Variants in PIEZO2 observed in about 807,000 individuals in gnomAD.
The protein encoded by PIEZO2 is piezo-type mechanosensitive ion channel component 2.
In PIEZO2, 172 loss-of-function variants were observed where a neutral mutation model predicts 337.3. The observed-to-expected ratio is 0.51, with a 90% CI of 0.45 to 0.58. PIEZO2 has a LOEUF of 0.58. Among genes scored for constraint, PIEZO2 ranks in the 20% least tolerant of loss-of-function variants. The pLI is 0.00. For synonymous variants in PIEZO2, 1,251 were observed against 1,228.5 expected (o/e 1.02, Z -0.38); for missense variants, 3,028 against 3,391.3 (o/e 0.89, Z 2.66).
Position 10,726,643 on chromosome 18 carries a change from G to A in PIEZO2, c.5029+4764C>T. ...CGTGCGCTGGGAGTACTGCGCGCGC[G>A]CCAAGCGCGGCCAGACAGACACCTC... On this transcript the variant is annotated intron_variant, in intron 36 of 55. Transcript: ENST00000674853. This position sits in a 1 kb window ranked among gnomAD's most constrained non-coding sequence, Gnocchi z 5.9. 2 of 1,400,248 alleles carry A rather than the reference G, an allele frequency of 1.4e-6. No homozygotes were observed. The highest frequency in any genetic ancestry group is 1.9e-6 in the Non-Finnish European group (2 of 1,035,362). 86.7% of individuals were successfully genotyped at this position (1,400,248 alleles called of 1,614,324 possible). A position where few individuals can be genotyped will look rare whatever the true frequency, so the allele number is the denominator to read the frequency against.
chr18:11,029,792 A>G lies in PIEZO2; in HGVS notation c.160+36335T>C, dbSNP rs576339160. Among the ~76,000 whole-genome samples, 73 of 152,090 alleles carry G rather than the reference A, an allele frequency of 4.8e-4. 1 individual carries two copies. In the South Asian group the frequency reaches 0.015, roughly 31 times the overall value. On this transcript the variant is annotated intron_variant, in intron 2 of 55. Transcript: ENST00000674853. ...TGTGGCTGCTCTTCCCTTTTCAGAC[A>G]GGTCTTGTTGACCCCCTAGAAGGTG...
chr18:11,060,979 C>T (rs1012300014), intron 2 of PIEZO2, among the ~76,000 whole-genome samples: 10 of 152,200 alleles, frequency 6.6e-5, no homozygotes, highest in Admixed American at 5.9e-4. Flanking sequence ...ACCAATATCC[C>T]TGATGAATAT....
chr18:11,046,645 T>C (rs546581012), intron 2 of PIEZO2, among the ~76,000 whole-genome samples: 6 of 152,386 alleles, frequency 3.9e-5, no homozygotes, highest in African/African-American at 1.4e-4. Context: ...AGCCACTTTC[T>C]GGGCTCCCTC....
intron 3 of PIEZO2, among the ~76,000 whole-genome samples, chr18:10,955,387 T>C (rs561954261): frequency 6.6e-6 from 1 of 152,272 alleles, no homozygotes; most frequent in South Asian, 2.1e-4. Flanking sequence ...GGTCTAGATG[T>C]TTTCTTTCTT....
chr18:10,693,932 ACT>A (rs1416236590), intron 47 of PIEZO2, among the ~76,000 whole-genome samples: 1 of 152,002 alleles, frequency 6.6e-6, no homozygotes, highest in African/African-American at 2.4e-5. Context: ...TATTCACAAC[ACT>A]CTCATGAAAA....
chr18:10,917,704 G>A (rs1055729935), intron 3 of PIEZO2, among the ~76,000 whole-genome samples: 17 of 152,274 alleles, frequency 1.1e-4, no homozygotes, highest in African/African-American at 4.1e-4. Context: ...ATAATCAGCA[G>A]AAAAGGATTA....
chr18:11,060,238 T>G (rs1352294123), intron 2 of PIEZO2, among the ~76,000 whole-genome samples: 2 of 151,952 alleles, frequency 1.3e-5, no homozygotes, highest in Admixed American at 6.6e-5. Context: ...TACCAGAATC[T>G]CTGGGACACA....
At chr18:10,706,184 C>T (rs1050106719) in intron 40 of PIEZO2, among the ~76,000 whole-genome samples, 1 of 152,146 alleles carries the variant, frequency 6.6e-6, no homozygotes, top group Admixed American at 6.5e-5. Flanking sequence ...AATAGGTATT[C>T]TACCCTCCAT....
chr18:10,967,160 G>A (rs919619952), intron 3 of PIEZO2, among the ~76,000 whole-genome samples: 2 of 151,802 alleles, frequency 1.3e-5, no homozygotes, highest in African/African-American at 2.4e-5. Context: ...TGGGATTACA[G>A]GCGCATGCCA....
In PIEZO2 at chr18:10,759,542, T is replaced by A; in HGVS notation, c.3697A>T (p.Ile1233Phe). Residue 1233 changes from isoleucine to phenylalanine, a missense_variant, in exon 26 of 56, where the codon ATC (isoleucine) becomes TTC (phenylalanine). Ile to Phe is a conservative substitution (Grantham distance 21, BLOSUM62 0). This residue lies in a region of PIEZO2 where 1,925 missense variants were observed against 2,051.9 expected (regional missense o/e 0.94). Coordinates refer to ENST00000674853, the MANE Select transcript of PIEZO2 (RefSeq NM_001378183.1). This position sits in a 1 kb window ranked among gnomAD's most constrained non-coding sequence, Gnocchi z 5.5. Reference sequence around the variant, plus strand: ...TCTGGGAAGTACAGCCACTTTATGATGTTGTCATTGAAGCTGGCACCCTTG... The same window carrying A: ...TCTGGGAAGTACAGCCACTTTATGAAGTTGTCATTGAAGCTGGCACCCTTG... ...RFKGASFNDNIIKWLYFPDFI... is the reference protein window; with the variant it reads ...RFKGASFNDNFIKWLYFPDFI... 6.5e-7 allele frequency: 1 copy of A among 1,537,332 alleles called. No individual in the cohort carries two copies. The highest frequency in any genetic ancestry group is 8.7e-7 in the Non-Finnish European group (1 of 1,146,946).
chr18:11,138,295 TTTTG>T (rs568370032), intron 1 of PIEZO2, among the ~76,000 whole-genome samples: 21 of 152,160 alleles, frequency 1.4e-4, no homozygotes, highest in Middle Eastern at 3.4e-3. Flanking sequence ...GTTGTTGTAG[TTTTG>T]TTTGTTTGTT....
chr18:10,985,069 A>G (rs575269147), intron 2 of PIEZO2, among the ~76,000 whole-genome samples: 1 of 152,258 alleles, frequency 6.6e-6, no homozygotes, highest in Admixed American at 6.5e-5. Flanking sequence ...GAACTGCCCT[A>G]TAAGAAACGC....
At chr18:10,723,113 A>G (rs1200742911) in intron 36 of PIEZO2, among the ~76,000 whole-genome samples, 1 of 151,946 alleles carries the variant, frequency 6.6e-6, no homozygotes, top group East Asian at 1.9e-4. Flanking sequence ...GATTACAGGC[A>G]TGGACCACCA....
rs61644149 is a variant in PIEZO2 at position 10,787,376 on chromosome 18, T to C, written c.2170-192A>G. Among the ~76,000 whole-genome samples the C allele has an allele frequency of 9.9e-3, 1,512 of 152,334 alleles. 31 individuals carry two copies. The highest frequency in any genetic ancestry group is 0.035 in the African/African-American group (1,446 of 41,572). On this transcript the variant is annotated intron_variant, in intron 15 of 55. Transcript: ENST00000674853. ...GTGGTCCTGGGTTAGAACCCCAGTT[T>C]TATAAATGATTGCTAACTGTGTGGG...
At chr18:10,885,982 A>C (rs2144888997) in intron 4 of PIEZO2, among the ~76,000 whole-genome samples, 1 of 152,178 alleles carries the variant, frequency 6.6e-6, no homozygotes, top group South Asian at 2.1e-4. Flanking sequence ...TGTCAAGTGC[A>C]AAGAATCAAG....
intron 7 of PIEZO2, among the ~76,000 whole-genome samples, chr18:10,845,726 C>A (rs748797039): frequency 5.3e-5 from 8 of 152,272 alleles, no homozygotes; most frequent in Non-Finnish European, 1.0e-4. Flanking sequence ...CAAACTGGGT[C>A]TCTGAAGGAC....
rs1187406232 is a variant in PIEZO2 at position 10,850,591 on chromosome 18, T to C, written c.917+4762A>G. ...CATCTACGTGGTTAAAACTCAGGGG[T>C]TGACTAAATTCTAATATAGCTACAC... is the stretch of plus-strand genomic sequence containing the variant. On this transcript the variant is annotated intron_variant, in intron 7 of 55. Coordinates refer to ENST00000674853, the MANE Select transcript of PIEZO2 (RefSeq NM_001378183.1). This position sits in a 1 kb window ranked among gnomAD's most constrained non-coding sequence, Gnocchi z 4.5. Among the ~76,000 whole-genome samples the C allele has an allele frequency of 2.0e-5, 3 of 152,194 alleles. No individual in the cohort carries two copies. The highest frequency in any genetic ancestry group is 4.8e-5 in the African/African-American group (2 of 41,456).
At chr18:11,041,833 A>T (rs2037134471) in intron 2 of PIEZO2, among the ~76,000 whole-genome samples, 2 of 152,234 alleles carry the variant, frequency 1.3e-5, no homozygotes, top group African/African-American at 4.8e-5. Flanking sequence ...AGTAACATCC[A>T]TTCATTCAGT....
chr18:11,061,407 G>A (rs1222781311), intron 2 of PIEZO2, among the ~76,000 whole-genome samples: 2 of 150,656 alleles, frequency 1.3e-5, no homozygotes, highest in African/African-American at 4.9e-5. Flanking sequence ...TCTGGCCAGG[G>A]CAATCAGGCA....
Sources: gnomAD v4.1 joint callset for allele counts (sites outside exome capture counted in the v4.1 genomes callset) on GRCh38, gnomAD v4.1.1 for gene constraint, gnomAD v4.1.1 regional missense constraint, Gnocchi (gnomAD v3.1) non-coding constraint, MANE v1.5 for transcripts, NCBI Gene and HGNC (gene_info 2026-07-23, HGNC 2026-07-21) for gene names.